The following MFSD6 variants were observed in gnomAD, a reference collection of about 807,000 sequenced individuals.
MFSD6 encodes the protein major facilitator superfamily domain containing 6.
MFSD6 carries 26 observed loss-of-function variants against 56.3 expected under a neutral mutation model. The ratio of observed to expected loss-of-function variants is 0.46; its 90% CI spans 0.34 to 0.64. The LOEUF is 0.64. Among genes scored for constraint, MFSD6 ranks in the 30% least tolerant of loss-of-function variants. The pLI, the probability that MFSD6 is intolerant of heterozygous loss-of-function variation, is 0.01. For synonymous variants in MFSD6, 331 were observed against 366.9 expected, an observed-to-expected ratio of 0.90 and a Z score of 1.12; for missense variants, 750 against 986.2, an observed-to-expected ratio of 0.76 and a Z score of 3.21.
rs373340305 is a variant in MFSD6 at position 190,449,057 on chromosome 2, T to C, written c.1532+11496T>C. Among the ~76,000 whole-genome samples, 11 of 152,384 alleles carry C rather than the reference T, an allele frequency of 7.2e-5. No individual in the cohort carries two copies. In the South Asian group the frequency reaches 2.1e-3, roughly 29 times the overall value. Reference sequence around the variant, plus strand: ...AGATTTTGTGTCCCTAATATGCATATTGTCTGTCTATATTTTGCCCTAAAT... The same window carrying C: ...AGATTTTGTGTCCCTAATATGCATACTGTCTGTCTATATTTTGCCCTAAAT... On this transcript the variant is annotated intron_variant, in intron 3 of 7. Coordinates refer to ENST00000392328, the MANE Select transcript of MFSD6 (RefSeq NM_017694.4).
At position 190,417,844 on chromosome 2, in the gene MFSD6, C is replaced by T. The variant is rs539785034; in HGVS notation, c.-54+2431C>T. 1.4e-4 allele frequency among the ~76,000 whole-genome samples: 22 copies of T among 152,226 alleles called. No individual in the cohort carries two copies. The highest frequency in any genetic ancestry group is 4.8e-4 in the African/African-American group (20 of 41,542). ...TGACAACCCCTGTCTGAAGTATGGA[C>T]ACCCTACTTGGAACTCCAGAAGCAT... On this transcript the variant is annotated intron_variant, in intron 2 of 7. Transcript: ENST00000392328. This position sits in a 1 kb window ranked among gnomAD's most constrained non-coding sequence, Gnocchi z 5.7.
rs1014190002 is a variant in MFSD6, at chr2:190,439,702, T to C, written c.1532+2141T>C. Among the ~76,000 whole-genome samples the C allele has an allele frequency of 2.0e-5, 3 of 152,230 alleles. No individual in the cohort carries two copies. The highest frequency in any genetic ancestry group is 2.1e-4 in the South Asian group (1 of 4,832). Reference sequence around the variant, plus strand: ...GCATCTTCCATTTCTTGTTTAATAATGTGATGGAAGAAGATGGCTGTTATG... The same window carrying C: ...GCATCTTCCATTTCTTGTTTAATAACGTGATGGAAGAAGATGGCTGTTATG... On this transcript the variant is annotated intron_variant, in intron 3 of 7. Coordinates refer to ENST00000392328, the MANE Select transcript of MFSD6 (RefSeq NM_017694.4). The surrounding 1 kb of genome is among the most constrained non-coding windows in gnomAD (Gnocchi z 5.8).
rs140116765 is a variant in MFSD6 at position 190,498,051 on chromosome 2, A to G, written c.2172+332A>G. 7.3e-3 allele frequency: 1,506 copies of G among 206,148 alleles called. 14 individuals carry two copies. The highest frequency in any genetic ancestry group is 0.034 in the Middle Eastern group (17 of 502). The allele number at this position is 206,148 out of a possible 1,614,324, so 12.8% of individuals were successfully genotyped here. ...ATTGATGGTTGTCTCTGTAATTCCA[A>G]AATTCTAGTGGGGGCATTATATTAT... On this transcript the variant is annotated intron_variant, in intron 7 of 7. Transcript: ENST00000392328. The surrounding 1 kb of genome is among the most constrained non-coding windows in gnomAD (Gnocchi z 5.9).
chr2:190,414,729 G>A (rs1436129185), intron 1 of MFSD6, among the ~76,000 whole-genome samples: 1 of 152,094 alleles, frequency 6.6e-6, no homozygotes, highest in African/African-American at 2.4e-5. Flanking sequence ...TTTTAAATAT[G>A]TATTTTTAAA....
chr2:190,479,633 G>A lies in MFSD6; in HGVS notation c.1631-9024G>A, dbSNP rs1688548808. On this transcript the variant is annotated intron_variant, in intron 4 of 7. Transcript: ENST00000392328. ...GTTGCAAATCCTTGCAAAACTCAGA[G>A]ATGAGTGTTAGTGTTAGTTCTGAGC... Among the ~76,000 whole-genome samples, 3 of 152,182 alleles carry A rather than the reference G, an allele frequency of 2.0e-5. No homozygotes were observed. The South Asian group carries it at 6.2e-4, about 32-fold the overall frequency.
At chr2:190,484,649 C>A (rs1361932893) in intron 4 of MFSD6, among the ~76,000 whole-genome samples, 1 of 152,160 alleles carries the variant, frequency 6.6e-6, no homozygotes, top group African/African-American at 2.4e-5. Context: ...TAGAAAGTTG[C>A]ATGTTCCAGT....
intron 4 of MFSD6, among the ~76,000 whole-genome samples, chr2:190,476,395 A>C (rs1471540571): frequency 6.6e-6 from 1 of 152,264 alleles, no homozygotes; most frequent in Non-Finnish European, 1.5e-5. Flanking sequence ...TGGGCAAAGG[A>C]TATGAACAGA....
rs1690527883 is a variant in MFSD6, at chr2:190,410,817, G to A, written c.-176+2314G>A. 6.6e-6 allele frequency among the ~76,000 whole-genome samples: 1 copy of A among 151,890 alleles called. No homozygotes were observed. The highest frequency in any genetic ancestry group is 1.5e-5 in the Non-Finnish European group (1 of 68,004). ...TCATGCCTGTAATCCCAGCACTTTG[G>A]GAGGCCGAGGCAGGTGGATCACGAA... is the stretch of plus-strand genomic sequence containing the variant. On this transcript the variant is annotated intron_variant, in intron 1 of 7. Coordinates refer to ENST00000392328, the MANE Select transcript of MFSD6 (RefSeq NM_017694.4). The surrounding 1 kb of genome is among the most constrained non-coding windows in gnomAD (Gnocchi z 4.4).
chr2:190,435,818 C>A, intron 2 of MFSD6, 159 bp from the exon 3 acceptor site: 2 of 598,848 alleles, frequency 3.3e-6, no homozygotes, highest in Non-Finnish European at 5.3e-6. Context: ...AGCTATTTTT[C>A]CTTACCGGTA....
At chr2:190,478,080 C>T (rs1003545883) in intron 4 of MFSD6, among the ~76,000 whole-genome samples, 1 of 152,184 alleles carries the variant, frequency 6.6e-6, no homozygotes, top group Admixed American at 6.5e-5. Context: ...TTTTATAATA[C>T]TTGTATGCAC....
rs1319414018 is a variant in MFSD6, at chr2:190,446,990, C to T, written c.1532+9429C>T. On this transcript the variant is annotated intron_variant, in intron 3 of 7. Transcript: ENST00000392328. ...GCTGCTGGGACAGGTCACAAGCCAT[C>T]ACCACAAACATTTATCCAGAGAGTT... is the stretch of plus-strand genomic sequence containing the variant. Among the ~76,000 whole-genome samples, 4 of 152,126 alleles carry T rather than the reference C, an allele frequency of 2.6e-5. No individual in the cohort carries two copies. The East Asian group carries it at 5.8e-4, about 22-fold the overall frequency.
At position 190,423,956 on chromosome 2, in the gene MFSD6, G is replaced by A. The variant is rs1427852963; in HGVS notation, c.-54+8543G>A. Among the ~76,000 whole-genome samples, 2 of 152,136 alleles carry A rather than the reference G, an allele frequency of 1.3e-5. No homozygotes were observed. Among genetic ancestry groups the A allele is most frequent in the Admixed American group, 1.3e-4 (2 of 15,274 alleles). On this transcript the variant is annotated intron_variant, in intron 2 of 7. Transcript: ENST00000392328. This position sits in a 1 kb window ranked among gnomAD's most constrained non-coding sequence, Gnocchi z 4.3. ...TCCTGTCTATCCTCTTCAGTGAAAT[G>A]TCCCTTCACGTTTTTTGTCCATTTT... is the stretch of plus-strand genomic sequence containing the variant.
At position 190,425,217 on chromosome 2, in the gene MFSD6, C is replaced by T. The variant is rs1685751301; in HGVS notation, c.-54+9804C>T. On this transcript the variant is annotated intron_variant, in intron 2 of 7. Transcript: ENST00000392328. This position sits in a 1 kb window ranked among gnomAD's most constrained non-coding sequence, Gnocchi z 4.3. ...GTATCCTGTGAACTTGCTGAACTCA[C>T]TTATTAGTTCTAGAAGTTTATTTAT... 6.6e-6 allele frequency among the ~76,000 whole-genome samples: 1 copy of T among 152,144 alleles called. No individual in the cohort carries two copies. Among genetic ancestry groups the T allele is most frequent in the Non-Finnish European group, 1.5e-5 (1 of 68,024 alleles).
chr2:190,480,384 T>A (rs1274224814), intron 4 of MFSD6, among the ~76,000 whole-genome samples: 1 of 76,442 alleles, frequency 1.3e-5, no homozygotes, highest in African/African-American at 4.5e-5. Flanking sequence ...TGTACTATAG[T>A]TAGTAGTTTA....
At chr2:190,427,506 A>G (rs1685817413) in intron 2 of MFSD6, among the ~76,000 whole-genome samples, 1 of 152,132 alleles carries the variant, frequency 6.6e-6, no homozygotes, top group Non-Finnish European at 1.5e-5. Flanking sequence ...TTTTGTTTGC[A>G]CCTATCTTCA....
intron 4 of MFSD6, among the ~76,000 whole-genome samples, chr2:190,478,729 G>A (rs542239704): frequency 1.2e-3 from 181 of 151,628 alleles, no homozygotes; most frequent in Non-Finnish European, 2.0e-3. Context: ...GGAAGGGGAA[G>A]GCTGGGGAAT....
At chr2:190,411,546 AT>A (rs1690567506) in intron 1 of MFSD6, 3 of 985,092 alleles carry the variant, frequency 3.0e-6, no homozygotes, top group Admixed American at 1.2e-4. Context: ...TGGGCTTAAA[AT>A]TTTGTTTTTG....
intron 2 of MFSD6, among the ~76,000 whole-genome samples, chr2:190,420,521 G>A (rs911718807): frequency 6.6e-6 from 1 of 152,098 alleles, no homozygotes; most frequent in African/African-American, 2.4e-5. Context: ...TAGACATTTA[G>A]CCCATATCAA....
In MFSD6 at chr2:190,498,857, A is replaced by AT. The variant is rs1438415747; in HGVS notation, c.2172+1145dup. 6.6e-6 allele frequency among the ~76,000 whole-genome samples: 1 copy of AT among 152,046 alleles called. No homozygotes were observed. Among genetic ancestry groups the AT allele is most frequent in the Non-Finnish European group, 1.5e-5 (1 of 68,018 alleles). On this transcript the variant is annotated intron_variant, in intron 7 of 7. Coordinates refer to ENST00000392328, the MANE Select transcript of MFSD6 (RefSeq NM_017694.4). This position sits in a 1 kb window ranked among gnomAD's most constrained non-coding sequence, Gnocchi z 5.9. ...TTTTCTGGTATGTTAGGATTAATAAATTTTTTTCTGGGCTGGGCATGGTGG... is the reference window on the plus strand; with the variant it reads ...TTTTCTGGTATGTTAGGATTAATAAATTTTTTTTCTGGGCTGGGCATGGTGG...
Sources: gnomAD v4.1 joint callset for allele counts (sites outside exome capture counted in the v4.1 genomes callset) on GRCh38, gnomAD v4.1.1 for gene constraint, Gnocchi (gnomAD v3.1) non-coding constraint, MANE v1.5 for transcripts, NCBI Gene and HGNC (gene_info 2026-07-23, HGNC 2026-07-21) for gene names.